Variants in TCERG1 observed in about 807,000 individuals in gnomAD.
TCERG1 encodes the protein transcription elongation regulator 1.
Under a neutral mutation model 144.7 loss-of-function variants are expected in TCERG1, and 37 were observed. That is an observed-to-expected ratio of 0.26 (90% CI 0.20 to 0.34). TCERG1 has a LOEUF of 0.34. Ranked by LOEUF, TCERG1 falls within the 10% of genes least tolerant of loss-of-function variation. The pLI is 1.00. For synonymous variants in TCERG1, 492 were observed against 458.2 expected (o/e 1.07, Z -0.94); for missense variants, 1,027 against 1,380.7 (o/e 0.74, Z 4.06).
At chr5:146,503,083 T>C (rs962937625) in intron 17 of TCERG1, 20 of 161,250 alleles carry the variant, frequency 1.2e-4, no homozygotes, top group African/African-American at 4.6e-4. Context: ...TTATCAACAA[T>C]CTGAAAAAGC....
chr5:146,457,743 T>C (rs1259199964), intron 3 of TCERG1, among the ~76,000 whole-genome samples: 4 of 152,250 alleles, frequency 2.6e-5, no homozygotes, highest in Non-Finnish European at 5.9e-5. Flanking sequence ...TACAGATAGC[T>C]GTCTCAGGTC....
chr5:146,473,493 CAA>C (rs750609277), intron 9 of TCERG1, among the ~76,000 whole-genome samples: 32 of 152,302 alleles, frequency 2.1e-4, no homozygotes, highest in African/African-American at 7.5e-4. Flanking sequence ...TTACACTAAA[CAA>C]GAGATTTTCA....
chr5:146,508,101 G>GT (rs901885269), intron 21 of TCERG1, 145 bp downstream of exon 21: 15 of 533,684 alleles, frequency 2.8e-5, no homozygotes, highest in Non-Finnish European at 1.6e-5. Flanking sequence ...TGAATTTTAA[G>GT]TTTATGTATT....
intron 1 of TCERG1, 76 bp downstream of exon 1, chr5:146,447,484 GA>G: frequency 6.5e-7 from 1 of 1,536,918 alleles, no homozygotes; most frequent in African/African-American, 1.4e-5. Flanking sequence ...GCCATGTGGA[GA>G]TCCGGGGCGG....
At chr5:146,509,274 CA>C (rs764178035) in intron 22 of TCERG1, 29 bp downstream of exon 22, 8 of 1,432,556 alleles carry the variant, frequency 5.6e-6, no homozygotes, top group Non-Finnish European at 7.8e-6. Context: ...TTCATATTGG[CA>C]GTCATTCTCT....
chr5:146,488,746 T>C (rs1246938604), intron 15 of TCERG1, among the ~76,000 whole-genome samples: 2 of 152,124 alleles, frequency 1.3e-5, no homozygotes, highest in African/African-American at 2.4e-5. Flanking sequence ...GGAAAAGACA[T>C]CATTATATTG....
chr5:146,495,078 C>G (rs1371630788), intron 16 of TCERG1, among the ~76,000 whole-genome samples: 2 of 151,766 alleles, frequency 1.3e-5, no homozygotes, highest in Admixed American at 6.5e-5. Flanking sequence ...TAAAATAAAT[C>G]AGTTATCACT....
At chr5:146,496,871 T>G (rs1336606322) in intron 16 of TCERG1, among the ~76,000 whole-genome samples, 11 of 13,376 alleles carry the variant, frequency 8.2e-4, no homozygotes, top group African/African-American at 1.1e-3. Flanking sequence ...CACTATGTGT[T>G]TTTTTTTTTT....
At position 146,469,551 on chromosome 5, in the gene TCERG1, G is replaced by T; in HGVS notation, c.1206G>T (p.Leu402Phe). The change falls in exon 7 of 23, where the codon TTG (leucine) becomes TTT (phenylalanine). Residue 402 changes from leucine (L) to phenylalanine (F), a missense_variant. Physicochemically the swap from Leu to Phe is conservative, Grantham distance 22. This residue lies in a region of TCERG1 where 482 missense variants were observed against 632.6 expected (regional missense o/e 0.76). Transcript: ENST00000679501. ...KTVATTKTGV[L>F]PGMAPPIVPM... ...TTATTATTCTTTTTTTAGGTGTATT[G>T]CCAGGAATGGCCCCTCCTATCGTAC... 6.3e-7 allele frequency: 1 copy of T among 1,592,524 alleles called. No homozygotes were observed. Among genetic ancestry groups the T allele is most frequent in the South Asian group, 1.2e-5 (1 of 86,276 alleles).
At position 146,501,080 on chromosome 5, in the gene TCERG1, A is replaced by T. The variant is rs565590210; in HGVS notation, c.2434-2295A>T. Reference sequence around the variant, plus strand: ...ACTATTCTTAAGCTATTTTATTGTAATATATTATTATAACCAATTTTTATA... The same window carrying T: ...ACTATTCTTAAGCTATTTTATTGTATTATATTATTATAACCAATTTTTATA... On this transcript the variant is annotated intron_variant, in intron 17 of 22. Transcript: ENST00000679501. Among the ~76,000 whole-genome samples the T allele has an allele frequency of 1.9e-4, 29 of 152,122 alleles. No individual in the cohort carries two copies. The South Asian group carries it at 5.2e-3, about 27-fold the overall frequency.
Position 146,468,103 on chromosome 5 carries a change from A to G in TCERG1, c.1136-238A>G, listed in dbSNP as rs573262207. 4.6e-5 allele frequency among the ~76,000 whole-genome samples: 7 copies of G among 152,330 alleles called. No individual in the cohort carries two copies. In the East Asian group the frequency reaches 1.2e-3, roughly 25 times the overall value. The stretch of plus-strand genomic sequence containing the variant: ...AATTTAAACTCTTAAGACTCCTTCA[A>G]TATGTTCAGAGCTGGTTTGATAAAA... On this transcript the variant is annotated intron_variant, in intron 5 of 22. Transcript: ENST00000679501.
chr5:146,462,634 T>C (rs1320855439), intron 4 of TCERG1, among the ~76,000 whole-genome samples: 1 of 152,208 alleles, frequency 6.6e-6, no homozygotes, highest in Non-Finnish European at 1.5e-5. Flanking sequence ...AAAAAAATTT[T>C]ATTTTTTTAA....
intron 9 of TCERG1, 27 bp from the exon 10 acceptor site, chr5:146,478,466 A>G: frequency 6.4e-7 from 1 of 1,552,832 alleles, no homozygotes; most frequent in South Asian, 1.2e-5. Flanking sequence ...GTAACATAAG[A>G]GAATGATATT....
rs774807368 is a variant in TCERG1, at chr5:146,447,370, C to T, written c.21C>T (p.Asp7=). The change falls in exon 1 of 23, where the codon GAC becomes GAT. Residue 7 remains aspartate (D), a synonymous_variant. Coordinates refer to ENST00000679501, the MANE Select transcript of TCERG1 (RefSeq NM_001382548.1). MAERGG[D]GGESERFNPG... Reference sequence around the variant, plus strand: ...CTGTAATGGCGGAGCGTGGCGGGGACGGGGGCGAGAGTGAACGATTCAACC... The same window carrying T: ...CTGTAATGGCGGAGCGTGGCGGGGATGGGGGCGAGAGTGAACGATTCAACC... The T allele has an allele frequency of 6.8e-6, 11 of 1,610,810 alleles. No individual in the cohort carries two copies. In the East Asian group the frequency reaches 2.0e-4, roughly 30 times the overall value.
At chr5:146,482,897 C>T (rs998143518) in intron 14 of TCERG1, among the ~76,000 whole-genome samples, 170 bp downstream of exon 14, 15 of 152,098 alleles carry the variant, frequency 9.9e-5, no homozygotes, top group African/African-American at 3.6e-4. Context: ...CTAATCTTAT[C>T]ATATTTAACT....
At chr5:146,468,211 A>G in intron 5 of TCERG1, 130 bp from the exon 6 acceptor site, 1 of 678,194 alleles carries the variant, frequency 1.5e-6, no homozygotes, top group Non-Finnish European at 2.3e-6. Context: ...AAGAAATTTT[A>G]CTCCATTCTT....
At chr5:146,487,020 G>T (rs976225718) in intron 15 of TCERG1, among the ~76,000 whole-genome samples, 2 of 152,098 alleles carry the variant, frequency 1.3e-5, no homozygotes, top group Non-Finnish European at 2.9e-5. Flanking sequence ...AATCCAGGAA[G>T]TGGAGGTTGC....
intron 5 of TCERG1, among the ~76,000 whole-genome samples, chr5:146,467,165 G>A (rs1763869916): frequency 6.6e-6 from 1 of 151,904 alleles, no homozygotes; most frequent in South Asian, 2.1e-4. Context: ...AGAAATAAAG[G>A]TACTTTTCAA....
intron 17 of TCERG1, among the ~76,000 whole-genome samples, chr5:146,498,943 T>A (rs1384066231): frequency 2.0e-5 from 3 of 152,248 alleles, no homozygotes; most frequent in African/African-American, 7.2e-5. Flanking sequence ...CCTGGTAAAC[T>A]CAGAACAGGT....
Sources: gnomAD v4.1 joint callset for allele counts (sites outside exome capture counted in the v4.1 genomes callset) on GRCh38, gnomAD v4.1.1 for gene constraint, gnomAD v4.1.1 regional missense constraint, MANE v1.5 for transcripts, NCBI Gene and HGNC (gene_info 2026-07-23, HGNC 2026-07-21) for gene names.